WDR75: variants seen among roughly 807,000 people sequenced by gnomAD.
WDR75 encodes WD repeat-containing protein 75.
WDR75 carries 52 observed loss-of-function variants against 106.1 expected under a neutral mutation model. The observed-to-expected ratio is 0.49, with a 90% confidence interval of 0.39 to 0.62. The LOEUF is 0.62. WDR75 is among the 20% of genes least tolerant of loss of function. The pLI is 0.00. For synonymous variants in WDR75, 333 were observed against 335.5 expected (o/e 0.99, Z 0.08); for missense variants, 905 against 970.3 (o/e 0.93, Z 0.89).
chr2:189,460,054 A>G (rs1174487454), intron 8 of WDR75, among the ~76,000 whole-genome samples: 1 of 152,220 alleles, frequency 6.6e-6, no homozygotes, highest in East Asian at 1.9e-4. Flanking sequence ...ATACCTTTAA[A>G]GTAAAGTGGT....
intron 2 of WDR75, chr2:189,449,453 G>A (rs942658029): frequency 8.6e-7 from 1 of 1,164,018 alleles, no homozygotes; most frequent in Non-Finnish European, 1.1e-6. Context: ...TTATCGCTGT[G>A]TGTAGTGTTT....
intron 4 of WDR75, chr2:189,452,170 C>T (rs1686636362): frequency 6.2e-6 from 2 of 320,826 alleles, no homozygotes; most frequent in African/African-American, 4.4e-5. Flanking sequence ...TTTTGTCTTT[C>T]TACTGAACTT....
chr2:189,442,243 A>C (rs565541959), intron 1 of WDR75, among the ~76,000 whole-genome samples: 3 of 152,232 alleles, frequency 2.0e-5, no homozygotes, highest in Admixed American at 6.5e-5. Flanking sequence ...GGAGGATTAA[A>C]TGCCTCAATA....
rs760716617 is a variant in WDR75, at chr2:189,455,303, T to C, written c.374-17T>C. Reference sequence around the variant, plus strand: ...TCTCTAGAGAAGCTTTATATTAATATAGCTTTCTTTGGCTAGATATATTTC... The same window carrying C: ...TCTCTAGAGAAGCTTTATATTAATACAGCTTTCTTTGGCTAGATATATTTC... On this transcript the variant is annotated splice_polypyrimidine_tract_variant and intron_variant, in intron 4 of 20. Transcript: ENST00000314761. 1.2e-5 allele frequency: 19 copies of C among 1,609,838 alleles called. No individual in the cohort carries two copies. The highest frequency in any genetic ancestry group is 3.3e-4 in the Middle Eastern group (2 of 6,044).
intron 20 of WDR75, 109 bp from the exon 21 acceptor site, chr2:189,475,104 A>C (rs1238482160): frequency 1.9e-5 from 17 of 905,930 alleles, no homozygotes; most frequent in Non-Finnish European, 2.1e-5. Flanking sequence ...TTAGTAACAA[A>C]ATTCTTCATT....
Position 189,463,686 on chromosome 2 carries a change from A to AC in WDR75, c.938-5dup, listed in dbSNP as rs1237798448. The AC allele has an allele frequency of 1.9e-6, 3 of 1,613,030 alleles. No individual in the cohort carries two copies. The African/African-American group carries it at 4.0e-5, about 22-fold the overall frequency. On this transcript the variant is annotated splice_polypyrimidine_tract_variant and splice_region_variant and intron_variant, in intron 9 of 20. Coordinates refer to ENST00000314761, the MANE Select transcript of WDR75 (RefSeq NM_032168.3). ...GATATTTAAATACCTATTTTTTTCT[A>AC]CCCACAGAGATAATAATTATTCACC...
chr2:189,453,636 A>G (rs1330522730), intron 4 of WDR75, among the ~76,000 whole-genome samples: 1 of 152,156 alleles, frequency 6.6e-6, no homozygotes, highest in Non-Finnish European at 1.5e-5. Flanking sequence ...TCTATTATTA[A>G]TCTTCAGTAC....
intron 3 of WDR75, 69 bp from the exon 4 acceptor site, chr2:189,451,736 G>T: frequency 7.2e-7 from 1 of 1,396,838 alleles, no homozygotes; most frequent in South Asian, 1.2e-5. Flanking sequence ...AAAAACCCCT[G>T]CCTTGATGGA....
intron 2 of WDR75, chr2:189,450,269 T>G (rs1686588699): frequency 3.0e-6 from 3 of 985,544 alleles, no homozygotes; most frequent in South Asian, 9.4e-5. Flanking sequence ...TCATATAAGG[T>G]AAAAGGAGTT....
rs887498181 is a variant in WDR75 at position 189,462,146 on chromosome 2, T to TTA, written c.779-327_779-326dup. Among the ~76,000 whole-genome samples the TTA allele has an allele frequency of 1.8e-4, 27 of 151,830 alleles. No homozygotes were observed. In the East Asian group the frequency reaches 3.5e-3, roughly 20 times the overall value. On this transcript the variant is annotated intron_variant, in intron 8 of 20. Transcript: ENST00000314761. ...CATCTGTCGTGAAATCGGCTTTTTT[T>TTA]TATATATATATAATATTTTTGGTAT...
chr2:189,450,999 G>A, intron 3 of WDR75, 31 bp downstream of exon 3: 1 of 1,574,894 alleles, frequency 6.3e-7, no homozygotes, highest in Non-Finnish European at 8.6e-7. Flanking sequence ...TTTTCGTTAT[G>A]TGAATAAAAA....
rs971583681 is a variant in WDR75, at chr2:189,459,421, A to T, written c.775A>T (p.Thr259Ser). Residue 259 changes from threonine (T) to serine (S), a missense_variant, in exon 8 of 21, where the codon ACA becomes TCA. Physicochemically the swap from Thr to Ser is moderately conservative, Grantham distance 58 (BLOSUM62 1). Coordinates refer to ENST00000314761, the MANE Select transcript of WDR75 (RefSeq NM_032168.3). ...GGTTATGGATTTGGCTTTTTCAGTG[A>T]CAGGTAAGTGCGGGTTTAATTATTA... ...DMVMDLAFSV[T>S]GTSLLSGGRE... 17 of 1,610,984 alleles carry T rather than the reference A, an allele frequency of 1.1e-5. No homozygotes were observed. Among genetic ancestry groups the T allele is most frequent in the African/African-American group, 1.3e-5 (1 of 74,946 alleles).
At position 189,474,697 on chromosome 2, in the gene WDR75, T is replaced by C; in HGVS notation, c.2197-20T>C. Reference sequence around the variant, plus strand: ...AGGATAAGCTTTTTAATTGCAACCGTGTTTTCTGTTTGACTCCAGCTTCTT... The same window carrying C: ...AGGATAAGCTTTTTAATTGCAACCGCGTTTTCTGTTTGACTCCAGCTTCTT... On this transcript the variant is annotated intron_variant, in intron 19 of 20. Transcript: ENST00000314761. 1 of 1,606,298 alleles carries C rather than the reference T, an allele frequency of 6.2e-7. No individual in the cohort carries two copies. Among genetic ancestry groups the C allele is most frequent in the Non-Finnish European group, 8.5e-7 (1 of 1,173,070 alleles).
rs753732899 is a variant in WDR75 at position 189,470,810 on chromosome 2, T to G, written c.1990-9T>G. 1 of 1,580,884 alleles carries G rather than the reference T, an allele frequency of 6.3e-7. No homozygotes were observed. Among genetic ancestry groups the G allele is most frequent in the South Asian group, 1.2e-5 (1 of 85,346 alleles). ...TTTGTCTTTTGCATCATTAATTCTC[T>G]CTTTTCAGAGTTTATTGACATTCAG... is the stretch of plus-strand genomic sequence containing the variant. On this transcript the variant is annotated splice_polypyrimidine_tract_variant and intron_variant, in intron 17 of 20. Coordinates refer to ENST00000314761, the MANE Select transcript of WDR75 (RefSeq NM_032168.3).
At chr2:189,451,677 G>T (rs1574190398) in intron 3 of WDR75, 128 bp from the exon 4 acceptor site, 1 of 716,600 alleles carries the variant, frequency 1.4e-6, no homozygotes, top group East Asian at 2.5e-5. Flanking sequence ...GTCTTCTGTA[G>T]GCCAGGTACT....
intron 20 of WDR75, 71 bp downstream of exon 20, chr2:189,474,879 T>A: frequency 1.6e-6 from 2 of 1,239,462 alleles, no homozygotes; most frequent in Non-Finnish European, 2.3e-6. Context: ...TTATCCTTTT[T>A]TAGAGTATTC....
At chr2:189,447,285 AGTAGCT>A (rs1236129443) in intron 1 of WDR75, among the ~76,000 whole-genome samples, 1 of 152,248 alleles carries the variant, frequency 6.6e-6, no homozygotes, top group African/African-American at 2.4e-5. Context: ...CAGTGCCCCA[AGTAGCT>A]TAACCACTTT....
chr2:189,468,290 T>C (rs1687046838), intron 14 of WDR75, among the ~76,000 whole-genome samples, 185 bp from the exon 15 acceptor site: 1 of 152,284 alleles, frequency 6.6e-6, no homozygotes, highest in Non-Finnish European at 1.5e-5. Context: ...CCTAAAGAAA[T>C]AGCTAACTAG....
rs1455909287 is a variant in WDR75, at chr2:189,455,441, C to T, written c.495C>T (p.Asn165=). ...NQSPKCIAFG[N]EGVYVAAVRE... The stretch of plus-strand genomic sequence containing the variant: ...CACCCAAGTGCATTGCCTTTGGAAA[C>T]GAGGTAAATTTTGTTTTGTTCGTTT... Residue 165 remains asparagine, a synonymous_variant, in exon 5 of 21, where the codon AAC becomes AAT. Transcript: ENST00000314761. 2.5e-6 allele frequency: 4 copies of T among 1,602,592 alleles called. No homozygotes were observed. The highest frequency in any genetic ancestry group is 1.3e-5 in the African/African-American group (1 of 74,208).
Sources: allele counts gnomAD v4.1 joint callset (sites outside exome capture counted in the v4.1 genomes callset), GRCh38; gene constraint gnomAD v4.1.1; transcripts MANE v1.5; gene names NCBI Gene and HGNC (gene_info 2026-07-23, HGNC 2026-07-21).